The following MPPED1 variants were observed in gnomAD, a reference collection of about 807,000 sequenced individuals.
The protein encoded by MPPED1 is metallophosphoesterase domain containing 1.
MPPED1 carries 16 observed loss-of-function variants against 36.2 expected under a neutral mutation model. The ratio of observed to expected loss-of-function variants is 0.44; its 90% CI spans 0.30 to 0.67. MPPED1 has a LOEUF of 0.67. Among genes scored for constraint, MPPED1 ranks in the 30% least tolerant of loss-of-function variants. The pLI, the probability that MPPED1 is intolerant of heterozygous loss-of-function variation, is 0.10. For missense variants in MPPED1, 307 were observed against 453.4 expected, an observed-to-expected ratio of 0.68 and a Z score of 2.93; for synonymous variants, 199 against 191.3, an observed-to-expected ratio of 1.04 and a Z score of -0.33.
chr22:43,423,400 A>G (rs1353015552), intron 1 of MPPED1, among the ~76,000 whole-genome samples: 1 of 152,230 alleles, frequency 6.6e-6, no homozygotes, highest in African/African-American at 2.4e-5. Flanking sequence ...TAGCACCTGC[A>G]GGGAGAGCCA....
At chr22:43,451,109 C>T (rs774461643) in intron 3 of MPPED1, among the ~76,000 whole-genome samples, 8 of 150,992 alleles carry the variant, frequency 5.3e-5, no homozygotes, top group African/African-American at 1.5e-4. Flanking sequence ...CAGGTTCAAG[C>T]GATCCTCCTG....
At chr22:43,485,869 C>G (rs1290299518) in intron 4 of MPPED1, among the ~76,000 whole-genome samples, 1 of 152,230 alleles carries the variant, frequency 6.6e-6, no homozygotes, top group Non-Finnish European at 1.5e-5. Flanking sequence ...TTGTGTGCCC[C>G]GGCCAGGTGT....
At chr22:43,431,727 G>A (rs1298771024) in intron 2 of MPPED1, among the ~76,000 whole-genome samples, 2 of 152,254 alleles carry the variant, frequency 1.3e-5, no homozygotes, top group African/African-American at 2.4e-5. Flanking sequence ...GCCACTGCCT[G>A]TAACGTGCCC....
At chr22:43,478,761 G>A (rs1183047416) in intron 4 of MPPED1, among the ~76,000 whole-genome samples, 1 of 152,230 alleles carries the variant, frequency 6.6e-6, no homozygotes, top group African/African-American at 2.4e-5. Context: ...CCATACCCCC[G>A]TCCACCCACC....
intron 4 of MPPED1, among the ~76,000 whole-genome samples, chr22:43,486,894 G>A (rs909177650): frequency 7.2e-5 from 11 of 152,190 alleles, no homozygotes; most frequent in Admixed American, 6.5e-5. Flanking sequence ...GAGAGAATGG[G>A]ACACTCAGCA....
chr22:43,444,284 GT>G (rs1930255497), intron 3 of MPPED1, among the ~76,000 whole-genome samples: 1 of 13,366 alleles, frequency 7.5e-5, no homozygotes. Flanking sequence ...ACTGGGGTGT[GT>G]GTGTGTGTGT....
intron 3 of MPPED1, among the ~76,000 whole-genome samples, chr22:43,465,338 C>T (rs986226228): frequency 6.6e-6 from 1 of 152,232 alleles, no homozygotes. Context: ...GGTTACCATC[C>T]GTGGGCCAGC....
rs1412067685 is a variant in MPPED1, at chr22:43,412,567, T to C, written c.-79+409T>C. Among the ~76,000 whole-genome samples, 3 of 152,036 alleles carry C rather than the reference T, an allele frequency of 2.0e-5. No individual in the cohort carries two copies. The East Asian group carries it at 5.8e-4, about 29-fold the overall frequency. On this transcript the variant is annotated intron_variant, in intron 1 of 6. Transcript: ENST00000443721. ...GCGCTGCCAAGCCCCTGCTGGCACT[T>C]GGGGGGGAAGAGATAGGGAACGAAC...
chr22:43,485,870 G>A (rs564782554), intron 4 of MPPED1, among the ~76,000 whole-genome samples: 8 of 152,326 alleles, frequency 5.3e-5, no homozygotes, highest in East Asian at 1.9e-4. Flanking sequence ...TGTGTGCCCC[G>A]GCCAGGTGTG....
chr22:43,443,057 A>T (rs1469942389), intron 3 of MPPED1, among the ~76,000 whole-genome samples: 1 of 152,182 alleles, frequency 6.6e-6, no homozygotes, highest in Admixed American at 6.5e-5. Flanking sequence ...ATGCAGTCAT[A>T]GGTGGTAAAT....
At chr22:43,471,461 C>T (rs1931374265) in intron 3 of MPPED1, among the ~76,000 whole-genome samples, 1 of 152,204 alleles carries the variant, frequency 6.6e-6, no homozygotes, top group Non-Finnish European at 1.5e-5. Context: ...TCCCCCTCCA[C>T]AGCCGTGGGG....
chr22:43,488,829 C>T lies in MPPED1; in HGVS notation c.633-9406C>T, dbSNP rs143674966. Among the ~76,000 whole-genome samples, 102 of 152,354 alleles carry T rather than the reference C, an allele frequency of 6.7e-4. 3 individuals are homozygous for T. In the East Asian group the frequency reaches 0.018, roughly 27 times the overall value. On this transcript the variant is annotated intron_variant, in intron 4 of 6. Transcript: ENST00000443721. ...CCATGGCTTAGCGGGAATTCGCATC[C>T]GTCCGCCCTCCTCAGGCGCTGTGGT...
intron 4 of MPPED1, among the ~76,000 whole-genome samples, chr22:43,479,391 G>A (rs1382384771): frequency 6.6e-6 from 1 of 152,230 alleles, no homozygotes; most frequent in Admixed American, 6.5e-5. Context: ...ATGTGGGCAG[G>A]GCCGACCAGG....
chr22:43,424,966 G>A lies in MPPED1; in HGVS notation c.-20G>A, dbSNP rs995667191. The A allele has an allele frequency of 1.3e-5, 20 of 1,562,282 alleles. No homozygotes were observed. In the East Asian group the frequency reaches 1.7e-4, roughly 13 times the overall value. On this transcript the variant is annotated 5_prime_UTR_variant, in exon 2 of 7. Transcript: ENST00000443721. Reference sequence around the variant, plus strand: ...GGTGGCGGCAGCGGTGGGAGATGCCGGGGCGGCCGGCGGAGGTCCATGTGG... The same window carrying A: ...GGTGGCGGCAGCGGTGGGAGATGCCAGGGCGGCCGGCGGAGGTCCATGTGG...
At chr22:43,489,583 A>C (rs903525413) in intron 4 of MPPED1, among the ~76,000 whole-genome samples, 18 of 151,260 alleles carry the variant, frequency 1.2e-4, no homozygotes, top group Admixed American at 5.3e-4. Flanking sequence ...CAGTGGCATG[A>C]TCTCAGCTCA....
chr22:43,420,446 C>T (rs1217898875), intron 1 of MPPED1, among the ~76,000 whole-genome samples: 1 of 151,812 alleles, frequency 6.6e-6, no homozygotes, highest in African/African-American at 2.4e-5. Flanking sequence ...ACTCTGTTAC[C>T]CAGGCTGGAG....
At chr22:43,473,999 C>T (rs1021889863) in intron 3 of MPPED1, among the ~76,000 whole-genome samples, 1 of 152,186 alleles carries the variant, frequency 6.6e-6, no homozygotes, top group African/African-American at 2.4e-5. Context: ...TGTTTTGATT[C>T]CATCTAGATT....
chr22:43,454,335 C>T (rs1157813678), intron 3 of MPPED1, among the ~76,000 whole-genome samples: 1 of 150,980 alleles, frequency 6.6e-6, no homozygotes, highest in East Asian at 2.0e-4. Flanking sequence ...GAGACAGGAT[C>T]TCACTCTGTT....
At chr22:43,434,037 C>T (rs1449013287) in intron 2 of MPPED1, among the ~76,000 whole-genome samples, 1 of 152,176 alleles carries the variant, frequency 6.6e-6, no homozygotes, top group African/African-American at 2.4e-5. Context: ...GGTCTTAGCC[C>T]ACGTCCACAT....
Sources: gnomAD v4.1 joint callset for allele counts (sites outside exome capture counted in the v4.1 genomes callset) on GRCh38, gnomAD v4.1.1 for gene constraint, MANE v1.5 for transcripts, NCBI Gene and HGNC (gene_info 2026-07-23, HGNC 2026-07-21) for gene names.